FRAS1: variants seen among roughly 807,000 people sequenced by gnomAD.
FRAS1 encodes the protein Fraser extracellular matrix complex subunit 1.
FRAS1 carries 290 observed loss-of-function variants against 435.2 expected under a neutral mutation model. The observed-to-expected ratio is 0.67, with a 90% CI of 0.61 to 0.73. The LOEUF is 0.73. FRAS1 is among the 30% of genes least tolerant of loss of function. The probability of loss-of-function intolerance (pLI) is 0.00; values close to 1 mark genes in which losing one functional copy is unlikely to be tolerated. For synonymous variants in FRAS1, 1,800 were observed against 1,851.0 expected, an observed-to-expected ratio of 0.97 and a Z score of 0.71; for missense variants, 4,860 against 5,001.5, an observed-to-expected ratio of 0.97 and a Z score of 0.85.
chr4:78,198,224 G>T (rs1300185516), intron 2 of FRAS1, among the ~76,000 whole-genome samples: 1 of 152,196 alleles, frequency 6.6e-6, no homozygotes, highest in South Asian at 2.1e-4. Context: ...TGTAGGAGGA[G>T]TGAGTCCCCC....
At chr4:78,315,822 C>A in intron 16 of FRAS1, 88 bp downstream of exon 16, 1 of 1,410,712 alleles carries the variant, frequency 7.1e-7, no homozygotes, top group Non-Finnish European at 9.9e-7. Context: ...AATTTGGGAA[C>A]TCGAGTGTAT....
At chr4:78,374,310 G>T in intron 25 of FRAS1, 59 bp downstream of exon 25, 1 of 1,473,156 alleles carries the variant, frequency 6.8e-7, no homozygotes, top group Non-Finnish European at 9.2e-7. Flanking sequence ...TAAGTCACAT[G>T]TGCTGACTCT....
chr4:78,066,002 G>C lies in FRAS1; in HGVS notation c.94G>C (p.Asp32His), dbSNP rs1553915520. ...CCCCACAGGTGCTTGTGTCTATCAG[G>C]ATTCCTTGTTGGCGGTAGGTCATTC... ...HHSEGACVYQ[D>H]SLLADATIWK... Residue 32 changes from aspartate to histidine, a missense_variant, in exon 2 of 74, where the codon GAT becomes CAT. By Grantham distance (81) the Asp-to-His change is moderately conservative. Coordinates refer to ENST00000512123, the MANE Select transcript of FRAS1 (RefSeq NM_025074.7). 1 of 1,607,992 alleles carries C rather than the reference G, an allele frequency of 6.2e-7. No individual in the cohort carries two copies. Among genetic ancestry groups the C allele is most frequent in the Admixed American group, 1.7e-5 (1 of 59,814 alleles).
intron 2 of FRAS1, among the ~76,000 whole-genome samples, chr4:78,223,183 T>C (rs182318274): frequency 6.2e-4 from 95 of 152,244 alleles, no homozygotes; most frequent in Admixed American, 1.7e-3. Flanking sequence ...GAACTGTCAG[T>C]TAATTTCCTC....
At position 78,479,412 on chromosome 4, in the gene FRAS1, G is replaced by T. The variant is rs1249295260; in HGVS notation, c.8137G>T (p.Val2713Phe). Residue 2713 changes from valine to phenylalanine, a missense_variant, in exon 56 of 74, where the codon GTC (valine) becomes TTC (phenylalanine). Physicochemically the swap from Val to Phe is conservative, Grantham distance 50. Coordinates refer to ENST00000512123, the MANE Select transcript of FRAS1 (RefSeq NM_025074.7). ...SSIVSAICYTVPKSAMGSSLY... is the reference protein window; with the variant it reads ...SSIVSAICYTFPKSAMGSSLY... ...CATTGTATCTGCAATTTGCTACACAGTCCCTAAGTCAGCTATGGGAAGTAG... is the reference window on the plus strand; with the variant it reads ...CATTGTATCTGCAATTTGCTACACATTCCCTAAGTCAGCTATGGGAAGTAG... The T allele has an allele frequency of 3.2e-6, 5 of 1,548,282 alleles. No individual in the cohort carries two copies. Among genetic ancestry groups the T allele is most frequent in the Non-Finnish European group, 4.4e-6 (5 of 1,143,774 alleles).
In FRAS1 at chr4:78,407,826, C is replaced by A. The variant is rs749805185; in HGVS notation, c.4293C>A (p.Asp1431Glu). ...YRHSGAPAQS[D>E]SFRFEVSSAS... is the part of the protein sequence containing the mutation. ...ACTCAGGAGCCCCAGCCCAGAGCGA[C>A]TCCTTCCGCTTCGAGGTACCCTCTG... Residue 1431 changes from aspartate (D) to glutamate (E), a missense_variant, in exon 31 of 74, where the codon GAC becomes GAA. Coordinates refer to ENST00000512123, the MANE Select transcript of FRAS1 (RefSeq NM_025074.7). 8.1e-6 allele frequency: 13 copies of A among 1,603,480 alleles called. No homozygotes were observed. Among genetic ancestry groups the A allele is most frequent in the Non-Finnish European group, 1.1e-5 (13 of 1,174,588 alleles).
intron 2 of FRAS1, among the ~76,000 whole-genome samples, chr4:78,099,620 C>T (rs1368294810): frequency 6.6e-6 from 1 of 152,196 alleles, no homozygotes; most frequent in East Asian, 1.9e-4. Context: ...TACTCATAAT[C>T]CTGTGAGAAA....
chr4:78,275,857 G>A (rs1381516659), intron 9 of FRAS1, among the ~76,000 whole-genome samples: 3 of 152,054 alleles, frequency 2.0e-5, no homozygotes, highest in Non-Finnish European at 4.4e-5. Context: ...TTTGAATGTT[G>A]GCCTGCTTTG....
intron 23 of FRAS1, 28 bp from the exon 24 acceptor site, chr4:78,372,690 G>C (rs1731562429): frequency 6.2e-7 from 1 of 1,610,800 alleles, no homozygotes; most frequent in Non-Finnish European, 8.5e-7. Context: ...CAGAAAGGAA[G>C]ATAATCTAAT....
chr4:78,271,811 A>G (rs1335652694), intron 9 of FRAS1, among the ~76,000 whole-genome samples: 1 of 152,174 alleles, frequency 6.6e-6, no homozygotes, highest in African/African-American at 2.4e-5. Context: ...ATGATTTATA[A>G]TCCTTTGGGT....
chr4:78,446,066 T>A, intron 42 of FRAS1: 1 of 1,141,794 alleles, frequency 8.8e-7, no homozygotes. Flanking sequence ...TGCCTTTTCT[T>A]ATTTTACTGC....
At chr4:78,450,482 CT>C (rs1161527877) in intron 45 of FRAS1, 143 bp downstream of exon 45, 2 of 624,312 alleles carry the variant, frequency 3.2e-6, no homozygotes, top group African/African-American at 4.4e-5. Flanking sequence ...TCCTTGTTTT[CT>C]TATTTTTTTT....
intron 65 of FRAS1, among the ~76,000 whole-genome samples, 168 bp from the exon 66 acceptor site, chr4:78,515,631 A>G (rs1721183050): frequency 6.6e-6 from 1 of 152,134 alleles, no homozygotes; most frequent in African/African-American, 2.4e-5. Flanking sequence ...AGCGCTTTCC[A>G]AGATCCCTCA....
At chr4:78,183,040 A>G (rs1359504121) in intron 2 of FRAS1, among the ~76,000 whole-genome samples, 2 of 152,146 alleles carry the variant, frequency 1.3e-5, no homozygotes, top group Non-Finnish European at 2.9e-5. Context: ...AGATAGAAGG[A>G]GCAGCTTAAG....
At chr4:78,362,860 TG>T (rs34405183) in intron 20 of FRAS1, among the ~76,000 whole-genome samples, 65,710 of 151,962 alleles carry the variant, frequency 0.43, 16,230 homozygotes, top group Non-Finnish European at 0.56. Flanking sequence ...TGACTGAGTC[TG>T]GGATCTTTAT....
chr4:78,076,085 C>T (rs971208366), intron 2 of FRAS1, among the ~76,000 whole-genome samples: 1 of 152,114 alleles, frequency 6.6e-6, no homozygotes. Flanking sequence ...GGAGCACCAT[C>T]CTCTGTTGTG....
intron 18 of FRAS1, among the ~76,000 whole-genome samples, chr4:78,327,871 C>CT (rs1170958714): frequency 5.3e-5 from 8 of 152,032 alleles, no homozygotes; most frequent in South Asian, 2.1e-4. Flanking sequence ...AATTTCATGA[C>CT]TTTTTTTTAA....
intron 2 of FRAS1, among the ~76,000 whole-genome samples, chr4:78,168,530 G>A (rs1721426432): frequency 1.3e-5 from 2 of 151,712 alleles, no homozygotes; most frequent in South Asian, 4.2e-4. Context: ...CCTTGAGTAG[G>A]CACAGTCAGA....
At chr4:78,093,961 G>A (rs1014448803) in intron 2 of FRAS1, among the ~76,000 whole-genome samples, 2 of 152,004 alleles carry the variant, frequency 1.3e-5, no homozygotes, top group Non-Finnish European at 2.9e-5. Context: ...AGTTTATGAA[G>A]CTCACCCCCC....
Sources: gnomAD v4.1 joint callset for allele counts (sites outside exome capture counted in the v4.1 genomes callset) on GRCh38, gnomAD v4.1.1 for gene constraint, MANE v1.5 for transcripts, NCBI Gene and HGNC (gene_info 2026-07-23, HGNC 2026-07-21) for gene names.